The following LRP1B variants were observed in gnomAD, a reference collection of about 807,000 sequenced individuals.
The protein encoded by LRP1B is low-density lipoprotein receptor-related protein 1B.
A neutral mutation model predicts 556.6 loss-of-function variants in LRP1B; 217 were observed. That is an observed-to-expected ratio of 0.39 (90% CI 0.35 to 0.44). The LOEUF (loss-of-function observed/expected upper bound fraction) is 0.44. LRP1B is among the 20% of genes least tolerant of loss of function. LRP1B has a pLI of 1.00. For missense variants in LRP1B, 5,053 were observed against 5,620.8 expected (o/e 0.90, Z 3.23); for synonymous variants, 2,047 against 1,865.8 (o/e 1.10, Z -2.50).
At chr2:140,353,140 C>CA in intron 75 of LRP1B, 68 bp from the exon 76 acceptor site, 2 of 1,515,228 alleles carry the variant, frequency 1.3e-6, no homozygotes, top group Non-Finnish European at 1.8e-6. Context: ...TACCACGTTT[C>CA]AAAAAAGCCA....
At chr2:140,626,369 T>A (rs1344222598) in intron 41 of LRP1B, among the ~76,000 whole-genome samples, 1 of 152,122 alleles carries the variant, frequency 6.6e-6, no homozygotes, top group East Asian at 1.9e-4. Context: ...AATTATGGAT[T>A]TTGGAGAATA....
At chr2:142,066,862 A>C (rs1285485849) in intron 1 of LRP1B, among the ~76,000 whole-genome samples, 1 of 151,504 alleles carries the variant, frequency 6.6e-6, no homozygotes, top group East Asian at 1.9e-4. Flanking sequence ...AAGTACCACA[A>C]ATCAGTGGTT....
intron 7 of LRP1B, among the ~76,000 whole-genome samples, chr2:141,101,854 T>C (rs78443264): frequency 0.079 from 12,026 of 152,180 alleles, 585 homozygotes; most frequent in South Asian, 0.14. Flanking sequence ...ATCTCTTCAA[T>C]AGGGAGAAGC....
intron 32 of LRP1B, among the ~76,000 whole-genome samples, chr2:140,783,227 T>G (rs1427347405): frequency 1.3e-5 from 2 of 152,122 alleles, no homozygotes; most frequent in Admixed American, 1.3e-4. Flanking sequence ...AGAGTATGTA[T>G]TTTTACTGCA....
intron 1 of LRP1B, among the ~76,000 whole-genome samples, chr2:142,037,769 A>G (rs187751488): frequency 1.3e-5 from 2 of 151,698 alleles, no homozygotes; most frequent in African/African-American, 4.8e-5. Context: ...TATTTTTTAC[A>G]GGTCTAAACG....
At chr2:141,432,069 A>C (rs1680581754) in intron 3 of LRP1B, among the ~76,000 whole-genome samples, 1 of 152,140 alleles carries the variant, frequency 6.6e-6, no homozygotes, top group South Asian at 2.1e-4. Flanking sequence ...TCAGTCTTTC[A>C]CTACCAAGTA....
chr2:141,262,354 T>C lies in LRP1B; in HGVS notation c.344-7713A>G, dbSNP rs574285479. 3.3e-5 allele frequency among the ~76,000 whole-genome samples: 5 copies of C among 152,186 alleles called. No individual in the cohort carries two copies. In the East Asian group the frequency reaches 9.7e-4, roughly 29 times the overall value. On this transcript the variant is annotated intron_variant, in intron 3 of 90. Transcript: ENST00000389484. The stretch of plus-strand genomic sequence containing the variant: ...CAAGTTTGTTACGAGATATATGATT[T>C]GTATATCGTTTCTCCTAGCCTATAG...
intron 3 of LRP1B, among the ~76,000 whole-genome samples, chr2:141,266,006 A>G (rs1490180298): frequency 6.6e-6 from 1 of 152,172 alleles, no homozygotes; most frequent in Non-Finnish European, 1.5e-5. Flanking sequence ...TGATATGCAT[A>G]ACTTCTGTGT....
At chr2:140,869,222 C>A (rs1693048101) in intron 25 of LRP1B, among the ~76,000 whole-genome samples, 1 of 152,108 alleles carries the variant, frequency 6.6e-6, no homozygotes, top group Admixed American at 6.6e-5. Flanking sequence ...GCTTTTCATT[C>A]ATTCAATAAA....
intron 3 of LRP1B, among the ~76,000 whole-genome samples, chr2:141,341,900 G>C (rs1382180422): frequency 6.6e-6 from 1 of 152,128 alleles, no homozygotes; most frequent in Non-Finnish European, 1.5e-5. Context: ...TATGATAGCA[G>C]TCAGCATCAT....
intron 3 of LRP1B, among the ~76,000 whole-genome samples, chr2:141,437,281 G>C (rs1680796140): frequency 6.6e-6 from 1 of 152,006 alleles, no homozygotes; most frequent in African/African-American, 2.4e-5. Context: ...TTGTAATTGA[G>C]AATCAGGAGG....
chr2:141,314,859 T>TATATATATATAC (rs367843352), intron 3 of LRP1B, among the ~76,000 whole-genome samples: 15 of 137,382 alleles, frequency 1.1e-4, no homozygotes, highest in African/African-American at 3.8e-4. Context: ...TATATATACA[T>TATATATATATAC]ATATATACAT....
chr2:140,634,297 C>G (rs1021444108), intron 41 of LRP1B, among the ~76,000 whole-genome samples: 2 of 152,056 alleles, frequency 1.3e-5, no homozygotes, highest in Non-Finnish European at 2.9e-5. Flanking sequence ...GGGACTTCCT[C>G]AACTTGATCA....
intron 1 of LRP1B, among the ~76,000 whole-genome samples, chr2:141,871,295 T>C (rs896563128): frequency 2.0e-5 from 3 of 151,954 alleles, no homozygotes; most frequent in Non-Finnish European, 4.4e-5. Context: ...CTTAAAATTA[T>C]GCTTTTTAAA....
intron 43 of LRP1B, among the ~76,000 whole-genome samples, chr2:140,547,573 T>C (rs1680389488): frequency 1.3e-5 from 2 of 152,124 alleles, no homozygotes; most frequent in Non-Finnish European, 2.9e-5. Flanking sequence ...CAGTGGTCTA[T>C]CTAGTTTATT....
chr2:141,055,898 G>T (rs1327856413), intron 9 of LRP1B, among the ~76,000 whole-genome samples: 2 of 150,758 alleles, frequency 1.3e-5, no homozygotes, highest in African/African-American at 4.9e-5. Flanking sequence ...AGAATATTTT[G>T]TGAGCATAAA....
At chr2:140,886,378 C>G (rs2105193039) in intron 23 of LRP1B, 43 bp from the exon 24 acceptor site, 1 of 1,056,194 alleles carries the variant, frequency 9.5e-7, no homozygotes, top group Non-Finnish European at 1.4e-6. Flanking sequence ...AAAATGTAAA[C>G]TCTGGTAATG....
intron 2 of LRP1B, among the ~76,000 whole-genome samples, chr2:141,693,952 T>A (rs1691637595): frequency 6.6e-6 from 1 of 152,004 alleles, no homozygotes; most frequent in South Asian, 2.1e-4. Context: ...TTGTCTAGGT[T>A]GCCTAAAAAC....
At chr2:141,739,557 C>G (rs1054201553) in intron 2 of LRP1B, among the ~76,000 whole-genome samples, 9 of 152,092 alleles carry the variant, frequency 5.9e-5, no homozygotes, top group African/African-American at 1.9e-4. Context: ...TAGTCTACCT[C>G]TACTTCCATT....
Sources: gnomAD v4.1 joint callset for allele counts (sites outside exome capture counted in the v4.1 genomes callset) on GRCh38, gnomAD v4.1.1 for gene constraint, MANE v1.5 for transcripts, NCBI Gene and HGNC (gene_info 2026-07-23, HGNC 2026-07-21) for gene names.